PITPNM3: variants seen among roughly 807,000 people sequenced by gnomAD.
PITPNM3 encodes the protein PITPNM family member 3.
PITPNM3 carries 26 observed loss-of-function variants against 102.0 expected under a neutral mutation model. The ratio of observed to expected loss-of-function variants is 0.25; its 90% CI spans 0.19 to 0.35. The LOEUF (loss-of-function observed/expected upper bound fraction) is 0.35. Among genes scored for constraint, PITPNM3 ranks in the 10% least tolerant of loss-of-function variants. The pLI is 1.00. For missense variants in PITPNM3, 1,083 were observed against 1,346.1 expected (o/e 0.80, Z 3.06); for synonymous variants, 578 against 558.6 (o/e 1.03, Z -0.49).
intron 4 of PITPNM3, among the ~76,000 whole-genome samples, chr17:6,501,533 G>C (rs1160607520): frequency 6.6e-6 from 1 of 152,098 alleles, no homozygotes; most frequent in Admixed American, 6.5e-5. Flanking sequence ...CTAGAGCCTA[G>C]AGCCCAGAGC....
At chr17:6,540,609 A>T (rs113229560) in intron 1 of PITPNM3, among the ~76,000 whole-genome samples, 1,621 of 152,278 alleles carry the variant, frequency 0.011, 19 homozygotes, top group Middle Eastern at 0.024. Flanking sequence ...TGCATATTTT[A>T]TCTTGTTTAC....
intron 9 of PITPNM3, among the ~76,000 whole-genome samples, chr17:6,474,974 A>G (rs1905237616): frequency 6.6e-6 from 1 of 152,170 alleles, no homozygotes; most frequent in Non-Finnish European, 1.5e-5. Context: ...ACTTACAAAA[A>G]CAGGCTGAGC....
intron 19 of PITPNM3, among the ~76,000 whole-genome samples, chr17:6,456,693 G>A (rs549928156): frequency 3.9e-5 from 6 of 152,162 alleles, no homozygotes; most frequent in South Asian, 2.1e-4. Flanking sequence ...CTCTACCCGC[G>A]GGTCACTCTC....
intron 1 of PITPNM3, among the ~76,000 whole-genome samples, chr17:6,549,394 G>A (rs759020243): frequency 4.6e-5 from 7 of 152,244 alleles, no homozygotes; most frequent in Admixed American, 2.0e-4. Flanking sequence ...CCCCATGAAC[G>A]TGTGAGCCTC....
chr17:6,536,326 T>A (rs1002255537), intron 2 of PITPNM3, among the ~76,000 whole-genome samples: 10 of 152,322 alleles, frequency 6.6e-5, no homozygotes, highest in East Asian at 5.8e-4. Flanking sequence ...GATGCCTCTG[T>A]CGTCAGCTGG....
rs58122763 is a variant in PITPNM3, at chr17:6,537,662, G to A, written c.118+325C>T. 0.017 allele frequency among the ~76,000 whole-genome samples: 2,635 copies of A among 152,272 alleles called. 84 individuals are homozygous for A. Among genetic ancestry groups the A allele is most frequent in the East Asian group, 0.16 (837 of 5,172 alleles). On this transcript the variant is annotated intron_variant, in intron 2 of 19. Coordinates refer to ENST00000262483, the MANE Select transcript of PITPNM3 (RefSeq NM_031220.4). This position sits in a 1 kb window ranked among gnomAD's most constrained non-coding sequence, Gnocchi z 4.4. Reference sequence around the variant, plus strand: ...TACTTAGTGGCGATGGTCCCCATTCGTCATTGTATTTTCTTGGATGTCTGC... The same window carrying A: ...TACTTAGTGGCGATGGTCCCCATTCATCATTGTATTTTCTTGGATGTCTGC...
At chr17:6,504,893 G>A (rs1052827473) in intron 3 of PITPNM3, among the ~76,000 whole-genome samples, 3 of 152,086 alleles carry the variant, frequency 2.0e-5, no homozygotes, top group Non-Finnish European at 4.4e-5. Context: ...ATGTAAAGCC[G>A]GCTAGGCACG....
chr17:6,469,994 A>C lies in PITPNM3; in HGVS notation c.1773+266T>G, dbSNP rs1449785429. On this transcript the variant is annotated intron_variant, in intron 13 of 19. Coordinates refer to ENST00000262483, the MANE Select transcript of PITPNM3 (RefSeq NM_031220.4). The surrounding 1 kb of genome is among the most constrained non-coding windows in gnomAD (Gnocchi z 4.0). ...ACTACTCCAGTCTCCAAGTTGAAAC[A>C]CTGGGACACTCTCCTGCGTAGTTTA... is the stretch of plus-strand genomic sequence containing the variant. Among the ~76,000 whole-genome samples the C allele has an allele frequency of 6.6e-6, 1 of 152,162 alleles. No individual in the cohort carries two copies. The highest frequency in any genetic ancestry group is 1.5e-5 in the Non-Finnish European group (1 of 68,036).
At position 6,517,904 on chromosome 17, in the gene PITPNM3, G is replaced by T. The variant is rs1045317253; in HGVS notation, c.226+7452C>A. The stretch of plus-strand genomic sequence containing the variant: ...TGTATGTTAAAACTGTACGTTTCTA[G>T]AACTACAAAAAAAGGAGGTATATAA... On this transcript the variant is annotated intron_variant, in intron 3 of 19. Transcript: ENST00000262483. This position sits in a 1 kb window ranked among gnomAD's most constrained non-coding sequence, Gnocchi z 4.1. 2.6e-5 allele frequency among the ~76,000 whole-genome samples: 4 copies of T among 151,440 alleles called. No individual in the cohort carries two copies. The highest frequency in any genetic ancestry group is 9.7e-5 in the African/African-American group (4 of 41,274).
intron 4 of PITPNM3, among the ~76,000 whole-genome samples, chr17:6,500,903 T>C (rs1211087424): frequency 6.6e-6 from 1 of 152,188 alleles, no homozygotes; most frequent in Admixed American, 6.5e-5. Context: ...CTGGATCTCC[T>C]GACCTCAGGT....
chr17:6,476,895 G>C, intron 9 of PITPNM3, 134 bp downstream of exon 9: 1 of 1,078,776 alleles, frequency 9.3e-7, no homozygotes, highest in Non-Finnish European at 1.3e-6. Context: ...GGCCGATGGC[G>C]AGTGGCCTTG....
At chr17:6,467,397 G>A (rs1904840494) in intron 14 of PITPNM3, among the ~76,000 whole-genome samples, 1 of 152,178 alleles carries the variant, frequency 6.6e-6, no homozygotes, top group Non-Finnish European at 1.5e-5. Context: ...CTTTTTGGAG[G>A]TTATGAAAAA....
At chr17:6,471,054 C>G (rs1905041932) in intron 12 of PITPNM3, 107 bp downstream of exon 12, 1 of 1,346,590 alleles carries the variant, frequency 7.4e-7, no homozygotes, top group African/African-American at 1.4e-5. Flanking sequence ...CACCTTCTCC[C>G]TATCCCAGGG....
At chr17:6,476,904 T>TAAAAAA in intron 9 of PITPNM3, 125 bp downstream of exon 9, 28 of 1,240,652 alleles carry the variant, frequency 2.3e-5, no homozygotes, top group Admixed American at 1.9e-4. Flanking sequence ...CGAGTGGCCT[T>TAAAAAA]GGTCCCAGCA....
intron 3 of PITPNM3, among the ~76,000 whole-genome samples, chr17:6,505,408 T>C (rs1390491076): frequency 6.6e-6 from 1 of 152,072 alleles, no homozygotes; most frequent in Non-Finnish European, 1.5e-5. Flanking sequence ...CTCACAGCAC[T>C]CCCTAGACCT....
rs1905491127 is a variant in PITPNM3, at chr17:6,478,904, G to A, written c.588-168C>T. The A allele has an allele frequency of 4.6e-6, 3 of 653,382 alleles. No homozygotes were observed. Among genetic ancestry groups the A allele is most frequent in the Non-Finnish European group, 7.8e-6 (3 of 384,982 alleles). The allele number at this position is 653,382 out of a possible 1,614,324, so 40.5% of individuals were successfully genotyped here. On this transcript the variant is annotated intron_variant, in intron 6 of 19. Transcript: ENST00000262483. The surrounding 1 kb of genome is among the most constrained non-coding windows in gnomAD (Gnocchi z 4.4). Reference sequence around the variant, plus strand: ...GTGACACAGAGCACAGGCAGTGTGGGGAGGAGAGGGGAAGAGGATTCAAGC... The same window carrying A: ...GTGACACAGAGCACAGGCAGTGTGGAGAGGAGAGGGGAAGAGGATTCAAGC...
At chr17:6,481,948 T>C (rs1905726481) in intron 6 of PITPNM3, 1 of 121,550 alleles carries the variant, frequency 8.2e-6, no homozygotes, top group African/African-American at 3.1e-5. Context: ...ATAGCCGTTG[T>C]TATAATGTTG....
intron 3 of PITPNM3, among the ~76,000 whole-genome samples, chr17:6,516,242 CGTGTGGT>C (rs1392402139): frequency 6.6e-6 from 1 of 152,132 alleles, no homozygotes; most frequent in African/African-American, 2.4e-5. Context: ...AACAAGGTAA[CGTGTGGT>C]TAGAAAAGTC....
At chr17:6,533,244 G>A (rs1463027230) in intron 2 of PITPNM3, among the ~76,000 whole-genome samples, 4 of 151,914 alleles carry the variant, frequency 2.6e-5, no homozygotes, top group Admixed American at 2.0e-4. Flanking sequence ...TTACAGGCAT[G>A]AGCGACCATG....
Sources: gnomAD v4.1 joint callset for allele counts (sites outside exome capture counted in the v4.1 genomes callset) on GRCh38, gnomAD v4.1.1 for gene constraint, Gnocchi (gnomAD v3.1) non-coding constraint, MANE v1.5 for transcripts, NCBI Gene and HGNC (gene_info 2026-07-23, HGNC 2026-07-21) for gene names.